The following DSE variants were observed in gnomAD, a reference collection of about 807,000 sequenced individuals.
DSE encodes the protein dermatan-sulfate epimerase.
DSE carries 36 observed loss-of-function variants against 84.4 expected under a neutral mutation model. The observed-to-expected ratio is 0.43, with a 90% CI of 0.33 to 0.56. The LOEUF (loss-of-function observed/expected upper bound fraction) is 0.56, where lower values mean the gene tolerates loss of function less well. Ranked by LOEUF, DSE falls within the 20% of genes least tolerant of loss-of-function variation. The probability of loss-of-function intolerance (pLI) is 0.06; values close to 1 mark genes in which losing one functional copy is unlikely to be tolerated. For missense variants in DSE, 862 were observed against 1,169.6 expected (o/e 0.74, Z 3.84); for synonymous variants, 410 against 430.1 (o/e 0.95, Z 0.58).
intron 2 of DSE, among the ~76,000 whole-genome samples, chr6:116,269,555 T>A (rs771362807): frequency 1.3e-5 from 2 of 152,166 alleles, no homozygotes; most frequent in Non-Finnish European, 2.9e-5. Context: ...TTGAATAATC[T>A]GAGGAAGTCA....
chr6:116,428,008 G>A (rs1440963654), intron 3 of DSE, among the ~76,000 whole-genome samples: 1 of 152,146 alleles, frequency 6.6e-6, no homozygotes, highest in Non-Finnish European at 1.5e-5. Flanking sequence ...GGCCAACATG[G>A]GGAAATCCCG....
chr6:116,332,408 G>T (rs1583033069), intron 2 of DSE, among the ~76,000 whole-genome samples: 1 of 151,724 alleles, frequency 6.6e-6, no homozygotes, highest in East Asian at 1.9e-4. Context: ...GAGACACAGG[G>T]AGAAAAGGAG....
intron 2 of DSE, among the ~76,000 whole-genome samples, chr6:116,403,163 C>T (rs948112813): frequency 2.6e-5 from 4 of 152,100 alleles, no homozygotes; most frequent in African/African-American, 9.7e-5. Context: ...AATCTATATG[C>T]TTTATCTACT....
chr6:116,397,042 G>A (rs1201180993), intron 1 of DSE, among the ~76,000 whole-genome samples: 2 of 152,016 alleles, frequency 1.3e-5, no homozygotes, highest in African/African-American at 4.8e-5. Context: ...ATCTTTCACT[G>A]CATGTACGTT....
At chr6:116,410,960 A>T (rs1782314394) in intron 2 of DSE, among the ~76,000 whole-genome samples, 1 of 152,068 alleles carries the variant, frequency 6.6e-6, no homozygotes, top group Admixed American at 6.6e-5. Context: ...TCTTTATGGG[A>T]TGGTGGGATC....
chr6:116,370,500 G>C, upstream of DSE: 2 of 986,438 alleles, frequency 2.0e-6, no homozygotes, highest in African/African-American at 1.7e-5. Context: ...AGTCCCGGTA[G>C]TAAGAGTCTT....
chr6:116,278,776 G>A (rs965025042), intron 2 of DSE: 1 of 1,614,190 alleles, frequency 6.2e-7, no homozygotes, highest in Non-Finnish European at 8.5e-7. Flanking sequence ...AATTGGAGTA[G>A]AAAGAGACAC....
chr6:116,271,909 T>C (rs1772895065), intron 2 of DSE, among the ~76,000 whole-genome samples: 1 of 152,222 alleles, frequency 6.6e-6, no homozygotes, highest in South Asian at 2.1e-4. Context: ...TGGATACACC[T>C]GTGTTATCAC....
rs1260479717 is a variant in DSE, at chr6:116,436,173, G to A, written c.1705G>A (p.Val569Ile). 1.9e-6 allele frequency: 3 copies of A among 1,613,382 alleles called. No individual in the cohort carries two copies. Among genetic ancestry groups the A allele is most frequent in the African/African-American group, 2.7e-5 (2 of 74,898 alleles). The change falls in exon 6 of 6, where the codon GTA (valine) becomes ATA (isoleucine). Residue 569 changes from valine to isoleucine, a missense_variant. This residue lies in a region of DSE where 186 missense variants were observed against 255.1 expected (regional missense o/e 0.73). Coordinates refer to ENST00000644252, the MANE Select transcript of DSE (RefSeq NM_013352.4). ...CCTACATCCACAGCTGCTTCTCCTT[G>A]TAGACCAAATACACCTGGGAGAGGA... is the stretch of plus-strand genomic sequence containing the variant. ...ILLHPQLLLLVDQIHLGEESP... is the reference protein window; with the variant it reads ...ILLHPQLLLLIDQIHLGEESP...
chr6:116,431,299 A>G (rs1783824154), intron 4 of DSE, 106 bp downstream of exon 4: 3 of 1,412,790 alleles, frequency 2.1e-6, no homozygotes, highest in Admixed American at 2.5e-5. Flanking sequence ...AGAGTTTGTC[A>G]TATTGAAATT....
chr6:116,438,507 T>C lies in DSE; in HGVS notation c.*1162T>C, dbSNP rs2115103249. The C allele has an allele frequency of 6.6e-6, 1 of 152,232 alleles. No homozygotes were observed. Among genetic ancestry groups the C allele is most frequent in the Non-Finnish European group, 1.5e-5 (1 of 67,974 alleles). 9.4% of individuals were successfully genotyped at this position (152,232 alleles called of 1,614,324 possible). On this transcript the variant is annotated 3_prime_UTR_variant, in exon 6 of 6. Transcript: ENST00000644252. ...CTGATATTTAAGTAGCACCCAACTTTTAAAAGCATAAAATTTTCAATCAAC... is the reference window on the plus strand; with the variant it reads ...CTGATATTTAAGTAGCACCCAACTTCTAAAAGCATAAAATTTTCAATCAAC...
intron 2 of DSE, chr6:116,280,384 G>C: frequency 5.6e-6 from 1 of 179,672 alleles, no homozygotes; most frequent in Non-Finnish European, 1.2e-5. Context: ...TGCCTCTACG[G>C]TTACTGGGGA....
chr6:116,408,063 T>G (rs1017204851), intron 2 of DSE, among the ~76,000 whole-genome samples: 1 of 152,232 alleles, frequency 6.6e-6, no homozygotes, highest in South Asian at 2.1e-4. Context: ...CACCTTAACT[T>G]CTTCCACCAT....
At chr6:116,324,704 T>A (rs1193695179) in intron 2 of DSE, among the ~76,000 whole-genome samples, 4 of 152,160 alleles carry the variant, frequency 2.6e-5, no homozygotes, top group Admixed American at 6.5e-5. Context: ...CATTGGTAGC[T>A]CGAGGAGCCT....
chr6:116,298,442 A>G (rs1582967104), intron 2 of DSE, among the ~76,000 whole-genome samples: 2 of 152,180 alleles, frequency 1.3e-5, no homozygotes, highest in African/African-American at 4.8e-5. Context: ...TGTGTGAAGA[A>G]CTCAACCAGC....
intron 2 of DSE, among the ~76,000 whole-genome samples, chr6:116,324,639 G>A (rs911261651): frequency 6.6e-6 from 1 of 152,190 alleles, no homozygotes; most frequent in African/African-American, 2.4e-5. Context: ...AGCTGGCTTT[G>A]TTAAACAGCA....
chr6:116,301,804 G>A (rs920553162), intron 2 of DSE, among the ~76,000 whole-genome samples: 3 of 152,140 alleles, frequency 2.0e-5, no homozygotes, highest in African/African-American at 7.2e-5. Context: ...CCTTCTGGCA[G>A]GCTCCGGTGT....
intron 2 of DSE, among the ~76,000 whole-genome samples, chr6:116,339,905 G>C (rs1296228508): frequency 6.6e-6 from 1 of 152,204 alleles, no homozygotes; most frequent in Non-Finnish European, 1.5e-5. Context: ...CCTATTATAA[G>C]TTTTGAATGT....
At chr6:116,395,946 A>T (rs1396391321) in intron 1 of DSE, among the ~76,000 whole-genome samples, 1 of 152,152 alleles carries the variant, frequency 6.6e-6, no homozygotes, top group African/African-American at 2.4e-5. Flanking sequence ...AGTTAGATTT[A>T]ATTTCTTTTC....
Sources: allele counts gnomAD v4.1 joint callset (sites outside exome capture counted in the v4.1 genomes callset), GRCh38; gene constraint gnomAD v4.1.1; regional missense constraint gnomAD v4.1.1; transcripts MANE v1.5; gene names NCBI Gene and HGNC (gene_info 2026-07-23, HGNC 2026-07-21).